Variants in PIR observed in about 807,000 individuals in gnomAD.
PIR encodes pirin.
Under a neutral mutation model 24.2 loss-of-function variants are expected in PIR, and 22 were observed. The observed-to-expected ratio is 0.91, with a 90% CI of 0.65 to 1.30. The LOEUF (loss-of-function observed/expected upper bound fraction) is 1.30. Ranked by LOEUF, PIR falls within the 50% of genes most tolerant of loss-of-function variation. The pLI is 0.00. For missense variants in PIR, 220 were observed against 220.3 expected (o/e 1.00, Z 0.01); for synonymous variants, 80 against 79.6 (o/e 1.00, Z -0.03).
At chrX:15,389,077 T>C (rs1224356068) in intron 9 of PIR, among the ~76,000 whole-genome samples, 1 of 111,540 alleles carries the variant, frequency 9.0e-6, no homozygotes, top group Non-Finnish European at 1.9e-5. Context: ...ACTCTTGCTT[T>C]TCATTATTGG....
At chrX:15,462,929 T>G (rs1403669056) in intron 3 of PIR, among the ~76,000 whole-genome samples, 1 of 112,257 alleles carries the variant, frequency 8.9e-6, no homozygotes, top group Non-Finnish European at 1.9e-5. Context: ...ACAGATACAG[T>G]AATTGTCTTC....
At chrX:15,476,693 T>C (rs147763440) in intron 3 of PIR, among the ~76,000 whole-genome samples, 1,202 of 110,840 alleles carry the variant, frequency 0.011, 16 homozygotes, top group African/African-American at 0.037. Flanking sequence ...TAAATATGTA[T>C]GGTGAATGAA....
chrX:15,389,747 T>C (rs752875456), intron 9 of PIR, among the ~76,000 whole-genome samples: 24 of 111,193 alleles, frequency 2.2e-4, no homozygotes, highest in Non-Finnish European at 4.2e-4. Context: ...ACAACTATTT[T>C]CTTAAAAATA....
At chrX:15,418,720 G>A (rs1466380604) in intron 6 of PIR, among the ~76,000 whole-genome samples, 1 of 112,023 alleles carries the variant, frequency 8.9e-6, no homozygotes, top group Non-Finnish European at 1.9e-5. Flanking sequence ...AGTATTCATG[G>A]GAAGGAACTC....
At chrX:15,385,163 C>T (rs752639097) in intron 9 of PIR, 47 bp from the exon 10 acceptor site, 1 of 615,779 alleles carries the variant, frequency 1.6e-6, no homozygotes, top group Admixed American at 2.7e-5. Context: ...GCAATATTTT[C>T]CTCTACCACT....
intron 5 of PIR, among the ~76,000 whole-genome samples, chrX:15,434,759 G>A (rs761045167): frequency 2.9e-4 from 30 of 101,953 alleles, no homozygotes; most frequent in African/African-American, 1.0e-3. Context: ...CTCCCAGTTT[G>A]TTTTTGGCCT....
At chrX:15,473,551 T>C (rs1442600642) in intron 3 of PIR, among the ~76,000 whole-genome samples, 2 of 111,618 alleles carry the variant, frequency 1.8e-5, no homozygotes, top group African/African-American at 3.3e-5. Flanking sequence ...TTTATTTTTA[T>C]TTATTTATTT....
chrX:15,442,071 AT>A (rs1235696387), intron 5 of PIR, among the ~76,000 whole-genome samples: 234 of 99,755 alleles, frequency 2.3e-3, no homozygotes, highest in Admixed American at 2.5e-3. Context: ...AAATATATGT[AT>A]TTTTTTTTTT....
chrX:15,464,370 A>G (rs1174613341), intron 3 of PIR: 35 of 742,083 alleles, frequency 4.7e-5, no homozygotes, highest in Admixed American at 8.7e-5. Context: ...TACAATGGAA[A>G]CAACTTTTTT....
At chrX:15,420,756 G>GGGCACAGGAGTTC (rs1418218585) in intron 6 of PIR, among the ~76,000 whole-genome samples, 1 of 111,049 alleles carries the variant, frequency 9.0e-6, no homozygotes, top group Non-Finnish European at 1.9e-5. Flanking sequence ...AAGATCTCTT[G>GGGCACAGGAGTTC]GGCACAGGAG....
chrX:15,488,270 C>A (rs1288252087), intron 2 of PIR, among the ~76,000 whole-genome samples: 1 of 81,236 alleles, frequency 1.2e-5, no homozygotes. Context: ...AAGAGCGAAA[C>A]TCCGTCTCAA....
At chrX:15,418,550 G>A (rs894341622) in intron 6 of PIR, among the ~76,000 whole-genome samples, 6 of 112,118 alleles carry the variant, frequency 5.4e-5, no homozygotes, top group African/African-American at 1.9e-4. Flanking sequence ...CGACAAATTA[G>A]ATTCTTTGTA....
chrX:15,492,463 CT>C (rs1211637940), intron 1 of PIR, among the ~76,000 whole-genome samples: 1 of 112,202 alleles, frequency 8.9e-6, no homozygotes, highest in East Asian at 2.8e-4. Context: ...CCCTATTCCA[CT>C]TCAAGTGTTT....
intron 7 of PIR, among the ~76,000 whole-genome samples, chrX:15,399,265 A>C (rs1479555652): frequency 2.7e-5 from 3 of 112,853 alleles, no homozygotes; most frequent in African/African-American, 9.7e-5. Flanking sequence ...TTTAAATGAA[A>C]ACAATAGCTT....
chrX:15,401,568 A>G lies in PIR; in HGVS notation c.611-4037T>C, dbSNP rs764572680. Among the ~76,000 whole-genome samples the G allele has an allele frequency of 2.2e-4, 25 of 112,009 alleles. No individual in the cohort carries two copies. In the South Asian group the frequency reaches 6.6e-3, roughly 30 times the overall value. ...GAACCTAAAATAAGTCTCAAAAAATATATCTTATTGTTTCTGACTACTTTC... is the reference window on the plus strand; with the variant it reads ...GAACCTAAAATAAGTCTCAAAAAATGTATCTTATTGTTTCTGACTACTTTC... On this transcript the variant is annotated intron_variant, in intron 7 of 9. Coordinates refer to ENST00000380420, the MANE Select transcript of PIR (RefSeq NM_001018109.3).
intron 7 of PIR, among the ~76,000 whole-genome samples, chrX:15,398,161 C>G (rs187016064): frequency 5.7e-3 from 636 of 110,635 alleles, no homozygotes; most frequent in South Asian, 0.016. Flanking sequence ...ATGAGTTAAT[C>G]GGTGCAGCAC....
intron 2 of PIR, among the ~76,000 whole-genome samples, chrX:15,486,746 G>A (rs1362013175): frequency 8.9e-6 from 1 of 111,989 alleles, no homozygotes; most frequent in Non-Finnish European, 1.9e-5. Flanking sequence ...ACTATAAGGC[G>A]ATGCACTAAG....
intron 3 of PIR, among the ~76,000 whole-genome samples, chrX:15,472,488 TAGTC>T (rs1274767591): frequency 8.9e-6 from 1 of 112,385 alleles, no homozygotes; most frequent in East Asian, 2.8e-4. Context: ...AATAGAATAT[TAGTC>T]AGGCATATAA....
rs189530038 is a variant in PIR, at chrX:15,390,121, C to T, written c.760+64G>A. On this transcript the variant is annotated intron_variant, in intron 9 of 9. Coordinates refer to ENST00000380420, the MANE Select transcript of PIR (RefSeq NM_001018109.3). ...AGCTATTCTTCCCAACAATAGTATACATGTATACTGTTTTCAAAGAAAAGG... is the reference window on the plus strand; with the variant it reads ...AGCTATTCTTCCCAACAATAGTATATATGTATACTGTTTTCAAAGAAAAGG... 84 of 606,499 alleles carry T rather than the reference C, an allele frequency of 1.4e-4. No individual in the cohort carries two copies. The African/African-American group carries it at 1.7e-3, about 12-fold the overall frequency. 50.0% of individuals were successfully genotyped at this position (606,499 alleles called of 1,213,427 possible). A position where few individuals can be genotyped will look rare whatever the true frequency, so the allele number is the denominator to read the frequency against.
Sources: gnomAD v4.1 joint callset for allele counts (sites outside exome capture counted in the v4.1 genomes callset) on GRCh38, gnomAD v4.1.1 for gene constraint, MANE v1.5 for transcripts, NCBI Gene and HGNC (gene_info 2026-07-23, HGNC 2026-07-21) for gene names.